VPS45: variants seen among roughly 807,000 people sequenced by gnomAD.
VPS45 encodes the protein vacuolar protein sorting 45 homolog, also known as vacuolar protein sorting-associated protein 45.
In VPS45, 35 loss-of-function variants were observed where a neutral mutation model predicts 75.9. The ratio of observed to expected loss-of-function variants is 0.46; its 90% confidence interval spans 0.35 to 0.61. The LOEUF (loss-of-function observed/expected upper bound fraction) is 0.61. Ranked by LOEUF, VPS45 falls within the 20% of genes least tolerant of loss-of-function variation. The pLI, the probability that VPS45 is intolerant of heterozygous loss-of-function variation, is 0.00. For synonymous variants in VPS45, 220 were observed against 238.2 expected (o/e 0.92, Z 0.70); for missense variants, 559 against 685.9 (o/e 0.81, Z 2.07).
intron 13 of VPS45, chr1:150,098,960 A>G (rs1381518084): frequency 1.4e-5 from 16 of 1,158,436 alleles, no homozygotes; most frequent in Non-Finnish European, 1.4e-5. Flanking sequence ...AGTACTTTTC[A>G]TGTTTATACA....
In VPS45 at chr1:150,092,352, C is replaced by T. The variant is rs781797197; in HGVS notation, c.1314C>T (p.Asp438=). 3.8e-5 allele frequency: 62 copies of T among 1,613,990 alleles called. No individual in the cohort carries two copies. The highest frequency in any genetic ancestry group is 5.1e-5 in the Non-Finnish European group (60 of 1,180,012). Reference sequence around the variant, plus strand: ...GTGGTAAACGAGTCAGAGGAAGTGACCTCTTCAGCCCCAAAGATGCTGTGG... The same window carrying T: ...GTGGTAAACGAGTCAGAGGAAGTGATCTCTTCAGCCCCAAAGATGCTGTGG... ...EYGGKRVRGS[D]LFSPKDAVAI... The change falls in exon 12 of 15, where the codon GAC becomes GAT. Residue 438 remains aspartate (D), a synonymous_variant. Transcript: ENST00000644510.
chr1:150,108,906 C>T (rs1194181114), intron 13 of VPS45, among the ~76,000 whole-genome samples: 1 of 152,186 alleles, frequency 6.6e-6, no homozygotes, highest in Non-Finnish European at 1.5e-5. Flanking sequence ...TCCTAACAGA[C>T]CACGGACTGG....
intron 14 of VPS45, among the ~76,000 whole-genome samples, chr1:150,121,768 A>G (rs1303309359): frequency 6.6e-6 from 1 of 152,228 alleles, no homozygotes; most frequent in African/African-American, 2.4e-5. Flanking sequence ...GGTTCACTCA[A>G]ATATTTACTG....
chr1:150,129,380 T>C (rs1157668149), intron 14 of VPS45, among the ~76,000 whole-genome samples: 2 of 152,084 alleles, frequency 1.3e-5, no homozygotes, highest in African/African-American at 2.4e-5. Context: ...CTGAATTGTG[T>C]GTAAAAAAGA....
At chr1:150,117,021 T>C (rs981629155) in intron 14 of VPS45, among the ~76,000 whole-genome samples, 4 of 151,844 alleles carry the variant, frequency 2.6e-5, no homozygotes, top group Admixed American at 6.6e-5. Flanking sequence ...GCTATCACAG[T>C]GAAACCCCAT....
At chr1:150,102,634 C>G (rs1315988545) in intron 13 of VPS45, among the ~76,000 whole-genome samples, 2 of 151,432 alleles carry the variant, frequency 1.3e-5, no homozygotes, top group African/African-American at 4.9e-5. Context: ...AAATGCCCAC[C>G]AATGACAGAC....
intron 14 of VPS45, among the ~76,000 whole-genome samples, chr1:150,134,218 TC>T (rs2101652679): frequency 6.6e-6 from 1 of 152,302 alleles, no homozygotes; most frequent in Non-Finnish European, 1.5e-5. Flanking sequence ...TGATAGGTAT[TC>T]CATTTTTAAA....
At chr1:150,109,656 T>G (rs1410215650) in intron 13 of VPS45, 1 of 152,226 alleles carries the variant, frequency 6.6e-6, no homozygotes, top group African/African-American at 2.4e-5. Flanking sequence ...ATTTGCCTAG[T>G]AATGGTTTTG....
At chr1:150,070,724 G>A (rs1655014231) in intron 2 of VPS45, among the ~76,000 whole-genome samples, 1 of 151,608 alleles carries the variant, frequency 6.6e-6, no homozygotes, top group Admixed American at 6.6e-5. Flanking sequence ...CAGGAGAATC[G>A]CTTGAACCAG....
chr1:150,102,814 A>G (rs1657114835), intron 13 of VPS45, among the ~76,000 whole-genome samples: 3 of 152,230 alleles, frequency 2.0e-5, no homozygotes, highest in Admixed American at 1.3e-4. Flanking sequence ...TTGGAGCTAA[A>G]TGATAAGAAC....
At chr1:150,137,452 C>T (rs1180018917) in intron 14 of VPS45, among the ~76,000 whole-genome samples, 1 of 152,230 alleles carries the variant, frequency 6.6e-6, no homozygotes, top group Non-Finnish European at 1.5e-5. Flanking sequence ...AAAACCCGCT[C>T]ACTGCCTTCT....
At chr1:150,106,321 A>G (rs1225478832) in intron 13 of VPS45, among the ~76,000 whole-genome samples, 2 of 152,172 alleles carry the variant, frequency 1.3e-5, no homozygotes, top group Admixed American at 1.3e-4. Flanking sequence ...TAAACAGACA[A>G]CCTACAAATA....
intron 13 of VPS45, among the ~76,000 whole-genome samples, chr1:150,106,458 C>T (rs377636322): frequency 3.1e-4 from 47 of 152,098 alleles, no homozygotes; most frequent in Non-Finnish European, 7.4e-5. Context: ...GGCCAAAAAA[C>T]GCTTGAAAAA....
chr1:150,106,347 G>A (rs1657322846), intron 13 of VPS45, among the ~76,000 whole-genome samples: 1 of 151,900 alleles, frequency 6.6e-6, no homozygotes, highest in Admixed American at 6.6e-5. Context: ...TCCAACAAAG[G>A]ACTACCATCC....
chr1:150,110,221 C>G (rs1657569925), intron 13 of VPS45: 2 of 298,718 alleles, frequency 6.7e-6, no homozygotes, highest in African/African-American at 4.3e-5. Context: ...ACATTTGGTT[C>G]CAGCAAACAC....
At chr1:150,137,975 C>CT (rs757904648) in intron 14 of VPS45, among the ~76,000 whole-genome samples, 73 of 149,072 alleles carry the variant, frequency 4.9e-4, no homozygotes, top group Non-Finnish European at 9.2e-4. Context: ...TCTTTAAAAG[C>CT]CCTCTCTTAA....
At chr1:150,073,473 A>G (rs1332827061) in intron 3 of VPS45, among the ~76,000 whole-genome samples, 2 of 152,148 alleles carry the variant, frequency 1.3e-5, no homozygotes, top group Non-Finnish European at 2.9e-5. Context: ...AAGCTTGTCC[A>G]GTGGGTTTTC....
intron 14 of VPS45, chr1:150,143,078 T>C (rs1259156467): frequency 4.3e-6 from 1 of 230,750 alleles, no homozygotes; most frequent in African/African-American, 2.3e-5. Context: ...TGAGTAAGAC[T>C]TCCCCCTACC....
intron 14 of VPS45, among the ~76,000 whole-genome samples, chr1:150,131,961 A>G (rs1474041351): frequency 6.6e-6 from 1 of 152,196 alleles, no homozygotes; most frequent in African/African-American, 2.4e-5. Context: ...TGTGAAGCTT[A>G]AAGAAGAGAC....
Sources: allele counts gnomAD v4.1 joint callset (sites outside exome capture counted in the v4.1 genomes callset), GRCh38; gene constraint gnomAD v4.1.1; transcripts MANE v1.5; gene names NCBI Gene and HGNC (gene_info 2026-07-23, HGNC 2026-07-21).